The following BTBD8 variants were observed in gnomAD, a reference collection of about 807,000 sequenced individuals.
BTBD8 encodes BTB/POZ domain-containing protein 8.
A neutral mutation model predicts 162.9 loss-of-function variants in BTBD8; 110 were observed. That is an observed-to-expected ratio of 0.68 (90% CI 0.58 to 0.79). The LOEUF is 0.79. BTBD8 is among the 30% of genes least tolerant of loss of function. The probability of loss-of-function intolerance (pLI) is 0.00; values close to 1 mark genes in which losing one functional copy is unlikely to be tolerated. For missense variants in BTBD8, 1,905 were observed against 2,085.4 expected (o/e 0.91, Z 1.68); for synonymous variants, 667 against 716.1 (o/e 0.93, Z 1.10).
chr1:92,128,119 T>C (rs1303898381), intron 4 of BTBD8, among the ~76,000 whole-genome samples: 1 of 152,060 alleles, frequency 6.6e-6, no homozygotes, highest in African/African-American at 2.4e-5. Context: ...AACAGTTTAT[T>C]TTTATTTTTT....
intron 4 of BTBD8, among the ~76,000 whole-genome samples, chr1:92,118,282 C>CTTTTTTTTTTTTTTTT (rs3040583): frequency 8.2e-6 from 1 of 122,316 alleles, no homozygotes; most frequent in African/African-American, 3.1e-5. Context: ...TTCAGACTTT[C>CTTTTTTTTTTTTTTTT]TTTTTTTTTT....
At chr1:92,091,979 G>T (rs998457378) in intron 2 of BTBD8, among the ~76,000 whole-genome samples, 9 of 152,072 alleles carry the variant, frequency 5.9e-5, no homozygotes, top group Admixed American at 6.5e-5. Flanking sequence ...GACTGCAATT[G>T]TCTCCACCCA....
chr1:92,151,089 G>A (rs553646129), intron 9 of BTBD8, among the ~76,000 whole-genome samples: 22 of 152,100 alleles, frequency 1.4e-4, no homozygotes, highest in Non-Finnish European at 2.6e-4. Flanking sequence ...ATGGTGGCTC[G>A]CGCCTGTAAT....
intron 5 of BTBD8, among the ~76,000 whole-genome samples, chr1:92,135,711 A>T (rs1358979954): frequency 6.6e-6 from 1 of 152,182 alleles, no homozygotes; most frequent in Non-Finnish European, 1.5e-5. Flanking sequence ...GACAGCAGGA[A>T]AACTATTTCT....
At chr1:92,113,875 A>G (rs775245451) in intron 4 of BTBD8, among the ~76,000 whole-genome samples, 1 of 151,780 alleles carries the variant, frequency 6.6e-6, no homozygotes, top group East Asian at 1.9e-4. Flanking sequence ...AACCAGGCGC[A>G]GTGGCATGTG....
chr1:92,110,699 C>T (rs532132119), intron 4 of BTBD8, among the ~76,000 whole-genome samples: 33 of 152,052 alleles, frequency 2.2e-4, no homozygotes, highest in Admixed American at 5.2e-4. Context: ...TCTGCCACCA[C>T]GCCTGGCTAA....
At chr1:92,096,959 T>C (rs761688302) in intron 2 of BTBD8, among the ~76,000 whole-genome samples, 8 of 152,206 alleles carry the variant, frequency 5.3e-5, no homozygotes, top group Non-Finnish European at 1.0e-4. Context: ...ACCTGCTTTC[T>C]ATTTCACTGA....
At chr1:92,114,043 A>AT (rs1648973973) in intron 4 of BTBD8, among the ~76,000 whole-genome samples, 1 of 151,304 alleles carries the variant, frequency 6.6e-6, no homozygotes, top group Non-Finnish European at 1.5e-5. Flanking sequence ...TTAGAGGGGT[A>AT]TATTCTCATG....
intron 2 of BTBD8, among the ~76,000 whole-genome samples, chr1:92,092,207 C>G (rs1454216221): frequency 6.6e-6 from 1 of 151,946 alleles, no homozygotes; most frequent in Non-Finnish European, 1.5e-5. Flanking sequence ...TTGAGACCAG[C>G]CTGGGCAACA....
At chr1:92,113,364 G>A (rs940104644) in intron 4 of BTBD8, among the ~76,000 whole-genome samples, 1 of 152,218 alleles carries the variant, frequency 6.6e-6, no homozygotes, top group Admixed American at 6.5e-5. Context: ...TTCAAGAAAT[G>A]TATTAGGCTA....
At chr1:92,163,439 AT>A (rs1485640359) in intron 9 of BTBD8, among the ~76,000 whole-genome samples, 1 of 151,310 alleles carries the variant, frequency 6.6e-6, no homozygotes, top group Non-Finnish European at 1.5e-5. Flanking sequence ...AAATAAGAAA[AT>A]TACATATATG....
chr1:92,175,477 CA>C lies in BTBD8; in HGVS notation c.1636-1330del, dbSNP rs71091265. Among the ~76,000 whole-genome samples the C allele has an allele frequency of 9.7e-3, 363 of 37,424 alleles. 3 individuals are homozygous for C. Among genetic ancestry groups the C allele is most frequent in the African/African-American group, 0.031 (321 of 10,226 alleles). The allele number at this position is 37,424 out of a possible 152,430, so 24.6% of individuals were successfully genotyped here. ...CTGGCAACAGAGCAAGACTCCATCT[CA>C]AAAAAAAAAAAAAAAAAAAAAGAAT... On this transcript the variant is annotated intron_variant, in intron 13 of 17. Transcript: ENST00000636805.
chr1:92,182,083 C>T lies in BTBD8; in HGVS notation c.4400C>T (p.Ser1467Leu). Reference protein sequence around the residue: ...TPFQASVDSFSPSDVFDGISH... With the variant: ...TPFQASVDSFLPSDVFDGISH... ...TTTCAGGCTTCTGTAGATTCTTTTT[C>T]ACCTTCTGATGTTTTTGATGGCATT... Residue 1467 changes from serine (S) to leucine (L), a missense_variant, in exon 17 of 18, where the codon TCA (serine) becomes TTA (leucine). Ser to Leu is a moderately radical substitution (Grantham distance 145, BLOSUM62 -2). Around this residue, in one of 3 missense-constraint regions of BTBD8, gnomAD observed 517 missense variants for 606.6 expected, o/e 0.85. Transcript: ENST00000636805. 1 of 1,551,464 alleles carries T rather than the reference C, an allele frequency of 6.4e-7. No individual in the cohort carries two copies. The highest frequency in any genetic ancestry group is 2.4e-5 in the East Asian group (1 of 40,904).
At chr1:92,116,747 G>A (rs1649049803) in intron 4 of BTBD8, among the ~76,000 whole-genome samples, 1 of 151,542 alleles carries the variant, frequency 6.6e-6, no homozygotes. Context: ...AAATAGTTAT[G>A]TCTTGCTTTT....
intron 2 of BTBD8, among the ~76,000 whole-genome samples, chr1:92,097,863 G>C (rs1044338111): frequency 6.6e-6 from 1 of 152,154 alleles, no homozygotes; most frequent in Non-Finnish European, 1.5e-5. Context: ...GAAAGGAAAC[G>C]GAAAAGCTGC....
At position 92,181,045 on chromosome 1, in the gene BTBD8, T is replaced by C. The variant is rs1476567564; in HGVS notation, c.3362T>C (p.Ile1121Thr). The part of the protein sequence containing the change: ...DSTSAGQIHL[I>T]SDRENQVGRK... Reference sequence around the variant, plus strand: ...ACAAGTGCAGGGCAAATCCATTTGATATCAGATAGGGAGAACCAAGTAGGG... The same window carrying C: ...ACAAGTGCAGGGCAAATCCATTTGACATCAGATAGGGAGAACCAAGTAGGG... The change falls in exon 17 of 18, where the codon ATA becomes ACA. Residue 1121 changes from isoleucine to threonine, a missense_variant. By Grantham distance (89) the Ile-to-Thr change is moderately conservative. This residue lies in a region of BTBD8 where 1,374 missense variants were observed against 1,442.7 expected (regional missense o/e 0.95). Transcript: ENST00000636805. The C allele has an allele frequency of 6.4e-7, 1 of 1,551,722 alleles. No individual in the cohort carries two copies. Among genetic ancestry groups the C allele is most frequent in the African/African-American group, 1.4e-5 (1 of 73,056 alleles).
chr1:92,138,243 G>A (rs1649679477), intron 5 of BTBD8, among the ~76,000 whole-genome samples: 2 of 152,292 alleles, frequency 1.3e-5, no homozygotes, highest in South Asian at 2.1e-4. Flanking sequence ...TGAAAAGAAT[G>A]ATCCAATTTT....
At chr1:92,124,717 C>G (rs1438706116) in intron 4 of BTBD8, among the ~76,000 whole-genome samples, 1 of 152,184 alleles carries the variant, frequency 6.6e-6, no homozygotes, top group Non-Finnish European at 1.5e-5. Context: ...TAGTAAGACT[C>G]TGTCTCTCTA....
At chr1:92,155,191 A>C (rs1240381929) in intron 9 of BTBD8, among the ~76,000 whole-genome samples, 1 of 152,166 alleles carries the variant, frequency 6.6e-6, no homozygotes, top group Non-Finnish European at 1.5e-5. Context: ...CAGAAAATCA[A>C]AGTCACTCCA....
Sources: allele counts gnomAD v4.1 joint callset (sites outside exome capture counted in the v4.1 genomes callset), GRCh38; gene constraint gnomAD v4.1.1; regional missense constraint gnomAD v4.1.1; transcripts MANE v1.5; gene names NCBI Gene and HGNC (gene_info 2026-07-23, HGNC 2026-07-21).